NSG2: variants seen among roughly 807,000 people sequenced by gnomAD.
NSG2 encodes the protein neuronal vesicle trafficking-associated protein 2.
NSG2 carries 4 observed loss-of-function variants against 16.9 expected under a neutral mutation model. That is an observed-to-expected ratio of 0.24 (90% CI 0.12 to 0.54). The LOEUF is 0.54. Among genes scored for constraint, NSG2 ranks in the 20% least tolerant of loss-of-function variants. NSG2 has a pLI of 0.95. For missense variants in NSG2, 179 were observed against 221.1 expected, an observed-to-expected ratio of 0.81 and a Z score of 1.21; for synonymous variants, 98 against 88.7, an observed-to-expected ratio of 1.11 and a Z score of -0.59.
chr5:174,055,556 C>T lies in NSG2; in HGVS notation c.129+8672C>T, dbSNP rs545362882. On this transcript the variant is annotated intron_variant, in intron 2 of 4. Transcript: ENST00000303177. Reference sequence around the variant, plus strand: ...GAGCTTGCAGTGAGCCAAGATATCACGCCACCGCACTCCAGCCTGGGCGAC... The same window carrying T: ...GAGCTTGCAGTGAGCCAAGATATCATGCCACCGCACTCCAGCCTGGGCGAC... Among the ~76,000 whole-genome samples the T allele has an allele frequency of 5.1e-3, 774 of 152,140 alleles. 3 individuals are homozygous for T. The highest frequency in any genetic ancestry group is 8.1e-3 in the Admixed American group (123 of 15,276).
At chr5:174,055,747 G>T (rs1054344048) in intron 2 of NSG2, among the ~76,000 whole-genome samples, 2 of 152,204 alleles carry the variant, frequency 1.3e-5, no homozygotes. Context: ...CATGGAAAGA[G>T]CTCCAGACTG....
chr5:174,071,441 C>T (rs573803333), intron 3 of NSG2, among the ~76,000 whole-genome samples: 7 of 152,250 alleles, frequency 4.6e-5, no homozygotes, highest in Middle Eastern at 3.4e-3. Context: ...GAGCTGAGAT[C>T]GCACCACTGC....
chr5:174,104,624 A>G (rs1760948518), intron 4 of NSG2, among the ~76,000 whole-genome samples: 1 of 152,096 alleles, frequency 6.6e-6, no homozygotes, highest in Non-Finnish European at 1.5e-5. Flanking sequence ...CTTGACATGG[A>G]CTGTTCCATT....
chr5:174,087,349 C>G (rs1388206892), intron 3 of NSG2, among the ~76,000 whole-genome samples: 1 of 152,150 alleles, frequency 6.6e-6, no homozygotes, highest in East Asian at 1.9e-4. Context: ...CACCTGAATT[C>G]AAATCCTGGC....
At chr5:174,088,737 G>A (rs76524646) in intron 3 of NSG2, among the ~76,000 whole-genome samples, 2,187 of 152,178 alleles carry the variant, frequency 0.014, 24 homozygotes, top group Non-Finnish European at 0.021. Flanking sequence ...CCTTACATCC[G>A]TGCTTCAAGG....
At chr5:174,103,469 G>A (rs760593226) in intron 3 of NSG2, among the ~76,000 whole-genome samples, 9 of 152,144 alleles carry the variant, frequency 5.9e-5, no homozygotes, top group African/African-American at 1.9e-4. Flanking sequence ...TGTTGAAAGT[G>A]TGTATTAGAT....
rs949227092 is a variant in NSG2, at chr5:174,107,884, G to A, written c.*379G>A. On this transcript the variant is annotated 3_prime_UTR_variant, in exon 5 of 5. Coordinates refer to ENST00000303177, the MANE Select transcript of NSG2 (RefSeq NM_015980.5). The surrounding 1 kb of genome is among the most constrained non-coding windows in gnomAD (Gnocchi z 4.5). ...TAAACTGGCTCCATCAGAAGACGTTGAAGGGCAGTGAAGAGCACAGACTCT... is the reference window on the plus strand; with the variant it reads ...TAAACTGGCTCCATCAGAAGACGTTAAAGGGCAGTGAAGAGCACAGACTCT... 13 of 389,386 alleles carry A rather than the reference G, an allele frequency of 3.3e-5. No homozygotes were observed. The highest frequency in any genetic ancestry group is 1.7e-4 in the African/African-American group (8 of 47,844). 24.1% of individuals were successfully genotyped at this position (389,386 alleles called of 1,614,324 possible).
chr5:174,092,262 C>T (rs574600562), intron 3 of NSG2, among the ~76,000 whole-genome samples: 1 of 152,248 alleles, frequency 6.6e-6, no homozygotes, highest in Non-Finnish European at 1.5e-5. Context: ...TCAGCCCCAC[C>T]ATGCAATGTT....
chr5:174,061,737 G>A lies in NSG2; in HGVS notation c.130-2495G>A, dbSNP rs1273836229. ...TCCTGCCTCAGCCTCCTGAGTAGCT[G>A]GGATTACAGGTGTGCGCCACCATGC... On this transcript the variant is annotated intron_variant, in intron 2 of 4. Transcript: ENST00000303177. Among the ~76,000 whole-genome samples the A allele has an allele frequency of 2.0e-5, 3 of 151,996 alleles. No individual in the cohort carries two copies. The East Asian group carries it at 5.8e-4, about 29-fold the overall frequency.
At chr5:174,062,084 C>T (rs995394082) in intron 2 of NSG2, among the ~76,000 whole-genome samples, 1 of 152,052 alleles carries the variant, frequency 6.6e-6, no homozygotes, top group Non-Finnish European at 1.5e-5. Context: ...AATGTGATAG[C>T]ACCCAGATGT....
chr5:174,057,416 TA>T (rs1323603565), intron 2 of NSG2, among the ~76,000 whole-genome samples: 1 of 151,886 alleles, frequency 6.6e-6, no homozygotes, highest in Non-Finnish European at 1.5e-5. Context: ...TTCAGAGTAC[TA>T]AAAAAAAGGA....
At chr5:174,084,232 CA>C (rs1179757244) in intron 3 of NSG2, 1 of 152,156 alleles carries the variant, frequency 6.6e-6, no homozygotes, top group Admixed American at 6.5e-5. Context: ...GTGCTCAGGG[CA>C]GAATTGGGCA....
chr5:174,062,152 A>G (rs889448830), intron 2 of NSG2, among the ~76,000 whole-genome samples: 2 of 152,110 alleles, frequency 1.3e-5, no homozygotes, highest in African/African-American at 4.8e-5. Flanking sequence ...CCTCCCAACA[A>G]TCCAACGAGG....
Position 174,107,440 on chromosome 5 carries a change from G to T in NSG2, c.451G>T (p.Gly151Trp). ...CAAGCAGAGCACTGCCCGGGCCATC[G>T]GGCCGTGGCTGTCAGCAGCCGCTGT... Reference protein sequence around the residue: ...VAKQSTARAIGPWLSAAAVIH... With the variant: ...VAKQSTARAIWPWLSAAAVIH... Residue 151 changes from glycine (G) to tryptophan (W), a missense_variant, in exon 5 of 5, where the codon GGG becomes TGG. Transcript: ENST00000303177. This position sits in a 1 kb window ranked among gnomAD's most constrained non-coding sequence, Gnocchi z 4.5. 1 of 1,612,462 alleles carries T rather than the reference G, an allele frequency of 6.2e-7. No individual in the cohort carries two copies. Among genetic ancestry groups the T allele is most frequent in the South Asian group, 1.1e-5 (1 of 90,984 alleles).
intron 3 of NSG2, chr5:174,084,170 G>A (rs936130804): frequency 2.0e-5 from 3 of 151,990 alleles, no homozygotes; most frequent in African/African-American, 7.3e-5. Flanking sequence ...TATAAAATGG[G>A]AATAACAGTA....
At chr5:174,066,605 T>C (rs1462114448) in intron 3 of NSG2, among the ~76,000 whole-genome samples, 1 of 152,224 alleles carries the variant, frequency 6.6e-6, no homozygotes, top group Non-Finnish European at 1.5e-5. Flanking sequence ...TAATTTTTAC[T>C]TCTCTATGCT....
chr5:174,051,284 G>A (rs1435227358), intron 2 of NSG2, among the ~76,000 whole-genome samples: 1 of 152,206 alleles, frequency 6.6e-6, no homozygotes, highest in African/African-American at 2.4e-5. Flanking sequence ...TGCCCCAAAT[G>A]TCAACAGCGC....
At chr5:174,092,114 G>A (rs1290955474) in intron 3 of NSG2, among the ~76,000 whole-genome samples, 1 of 152,196 alleles carries the variant, frequency 6.6e-6, no homozygotes, top group Non-Finnish European at 1.5e-5. Flanking sequence ...TGATTTCTGG[G>A]TGTTATCATA....
rs1241245540 is a variant in NSG2 at position 174,107,463 on chromosome 5, T to C, written c.474T>C (p.Ala158=). 1 of 1,612,260 alleles carries C rather than the reference T, an allele frequency of 6.2e-7. No individual in the cohort carries two copies. The highest frequency in any genetic ancestry group is 1.3e-5 in the African/African-American group (1 of 74,996). ...RAIGPWLSAA[A]VIHEPKPPKT... Reference sequence around the variant, plus strand: ...TCGGGCCGTGGCTGTCAGCAGCCGCTGTCATCCATGAGCCCAAGCCGCCCA... The same window carrying C: ...TCGGGCCGTGGCTGTCAGCAGCCGCCGTCATCCATGAGCCCAAGCCGCCCA... The change falls in exon 5 of 5, where the codon GCT becomes GCC. Residue 158 remains alanine, a synonymous_variant. Transcript: ENST00000303177. The surrounding 1 kb of genome is among the most constrained non-coding windows in gnomAD (Gnocchi z 4.5).
Sources: gnomAD v4.1 joint callset for allele counts (sites outside exome capture counted in the v4.1 genomes callset) on GRCh38, gnomAD v4.1.1 for gene constraint, Gnocchi (gnomAD v3.1) non-coding constraint, MANE v1.5 for transcripts, NCBI Gene and HGNC (gene_info 2026-07-23, HGNC 2026-07-21) for gene names.